B3GALT5: variants seen among roughly 807,000 people sequenced by gnomAD.
B3GALT5 encodes the protein beta-1,3-galactosyltransferase 5, also known as UDP-Gal:betaGlcNAc beta 1,3-galactosyltransferase, polypeptide 5.
For synonymous variants in B3GALT5, 156 were observed against 158.6 expected (o/e 0.98, Z 0.12); for missense variants, 328 against 396.6 (o/e 0.83, Z 1.47).
At chr21:39,640,967 A>T (rs2079285261) in intron 1 of B3GALT5, among the ~76,000 whole-genome samples, 1 of 151,688 alleles carries the variant, frequency 6.6e-6, no homozygotes, top group African/African-American at 2.4e-5. Flanking sequence ...GTCGTCTCGA[A>T]CTCCTGGGCT....
intron 1 of B3GALT5, among the ~76,000 whole-genome samples, chr21:39,635,107 A>G (rs1452601678): frequency 2.6e-5 from 4 of 152,212 alleles, no homozygotes; most frequent in African/African-American, 9.7e-5. Context: ...GATAAATGGC[A>G]ATGATTGCAA....
intron 1 of B3GALT5, among the ~76,000 whole-genome samples, chr21:39,623,188 A>C (rs1461640314): frequency 4.1e-3 from 163 of 39,476 alleles, no homozygotes; most frequent in Non-Finnish European, 4.7e-3. Flanking sequence ...TTTTCCATCC[A>C]TCCCTCCCTC....
chr21:39,618,153 T>C (rs904507705), intron 1 of B3GALT5, among the ~76,000 whole-genome samples: 1 of 152,112 alleles, frequency 6.6e-6, no homozygotes, highest in Admixed American at 6.6e-5. Flanking sequence ...AGACCTTGTC[T>C]CTTAAAAAAA....
At chr21:39,635,636 A>G (rs2146194524) in intron 1 of B3GALT5, among the ~76,000 whole-genome samples, 1 of 152,036 alleles carries the variant, frequency 6.6e-6, no homozygotes, top group South Asian at 2.1e-4. Flanking sequence ...GTGCCACCAC[A>G]CCCAGCTAAT....
intron 1 of B3GALT5, among the ~76,000 whole-genome samples, chr21:39,639,279 G>T (rs74276736): frequency 6.8e-6 from 1 of 146,380 alleles, no homozygotes; most frequent in East Asian, 2.0e-4. Flanking sequence ...AGCAGCTTCA[G>T]GCATCTGGCT....
At chr21:39,618,341 A>G (rs141783260) in intron 1 of B3GALT5, among the ~76,000 whole-genome samples, 85 of 152,296 alleles carry the variant, frequency 5.6e-4, no homozygotes, top group East Asian at 5.2e-3. Flanking sequence ...TTGGGTGAAA[A>G]AGCATCTTTC....
At chr21:39,633,985 C>T (rs1054577259) in intron 1 of B3GALT5, among the ~76,000 whole-genome samples, 2 of 152,206 alleles carry the variant, frequency 1.3e-5, no homozygotes, top group African/African-American at 4.8e-5. Context: ...ACTGACTACA[C>T]AGCTCTCCTT....
rs886354590 is a variant in B3GALT5 at position 39,672,278 on chromosome 21, A to G, written c.*10786A>G. On this transcript the variant is annotated 3_prime_UTR_variant, in exon 4 of 4. Coordinates refer to ENST00000684187, the MANE Select transcript of B3GALT5 (RefSeq NM_001356336.2). ...CAAAGACATAGTGATACTTGGTTCA[A>G]TTCGGCTCCAGAGAGTATCAGATGG... The G allele has an allele frequency of 4.6e-5, 7 of 152,234 alleles. No individual in the cohort carries two copies. The highest frequency in any genetic ancestry group is 1.3e-4 in the Admixed American group (2 of 15,286). 9.4% of individuals were successfully genotyped at this position (152,234 alleles called of 1,614,324 possible). A position where few individuals can be genotyped will look rare whatever the true frequency, so the allele number is the denominator to read the frequency against.
intron 1 of B3GALT5, among the ~76,000 whole-genome samples, chr21:39,639,444 CTT>C (rs2079269594): frequency 1.6e-5 from 2 of 122,604 alleles, no homozygotes; most frequent in African/African-American, 3.2e-5. Flanking sequence ...TTCTTTCTTT[CTT>C]TCTTTCTTTT....
chr21:39,658,006 T>A, intron 2 of B3GALT5: 1 of 976,862 alleles, frequency 1.0e-6, no homozygotes. Flanking sequence ...GGCTAGGATC[T>A]GGGGACACAG....
chr21:39,639,238 G>A (rs538616752), intron 1 of B3GALT5, among the ~76,000 whole-genome samples: 11 of 152,094 alleles, frequency 7.2e-5, no homozygotes, highest in Middle Eastern at 3.2e-3. Context: ...GTTGTAACAT[G>A]TTCCAGAATT....
In B3GALT5 at chr21:39,661,616, G is replaced by GT; in HGVS notation, c.*125dup. On this transcript the variant is annotated 3_prime_UTR_variant, in exon 4 of 4. Transcript: ENST00000684187. The surrounding 1 kb of genome is among the most constrained non-coding windows in gnomAD (Gnocchi z 4.7). ...TCAGTGCTGAAATCCACGCCAGAATGTCGGTGTTCATGAAGTCACTGATTA... is the reference window on the plus strand; with the variant it reads ...TCAGTGCTGAAATCCACGCCAGAATGTTCGGTGTTCATGAAGTCACTGATTA... The GT allele has an allele frequency of 1.0e-6, 1 of 979,824 alleles. No individual in the cohort carries two copies. Among genetic ancestry groups the GT allele is most frequent in the Non-Finnish European group, 1.4e-6 (1 of 706,500 alleles). The allele number at this position is 979,824 out of a possible 1,614,324, so 60.7% of individuals were successfully genotyped here.
At chr21:39,637,385 G>A (rs1479151411) in intron 1 of B3GALT5, among the ~76,000 whole-genome samples, 3 of 152,238 alleles carry the variant, frequency 2.0e-5, no homozygotes, top group Non-Finnish European at 4.4e-5. Flanking sequence ...GCATGCCAAA[G>A]CCCATCAGGT....
At chr21:39,623,506 A>G (rs2079148700) in intron 1 of B3GALT5, among the ~76,000 whole-genome samples, 1 of 151,986 alleles carries the variant, frequency 6.6e-6, no homozygotes, top group African/African-American at 2.4e-5. Flanking sequence ...TTGAGGCTAC[A>G]TGGGTGATAA....
At chr21:39,633,335 T>C (rs1213218967) in intron 1 of B3GALT5, among the ~76,000 whole-genome samples, 1 of 152,196 alleles carries the variant, frequency 6.6e-6, no homozygotes, top group Admixed American at 6.5e-5. Context: ...GAAATGGTTA[T>C]TTTTTGTAAT....
intron 1 of B3GALT5, among the ~76,000 whole-genome samples, chr21:39,623,769 A>G (rs1247380241): frequency 6.6e-6 from 1 of 152,160 alleles, no homozygotes; most frequent in Non-Finnish European, 1.5e-5. Flanking sequence ...TATGATGTGG[A>G]AGATAGGTTT....
At chr21:39,629,761 G>C (rs1056257098) in intron 1 of B3GALT5, among the ~76,000 whole-genome samples, 3 of 152,038 alleles carry the variant, frequency 2.0e-5, no homozygotes, top group Non-Finnish European at 4.4e-5. Context: ...TCTTTAAGTG[G>C]TTGGAATTTT....
At chr21:39,630,645 T>C (rs2079187087) in intron 1 of B3GALT5, among the ~76,000 whole-genome samples, 2 of 152,202 alleles carry the variant, frequency 1.3e-5, no homozygotes. Flanking sequence ...GCGTTTTCTT[T>C]CACATTAAAT....
In B3GALT5 at chr21:39,672,978, A is replaced by G. The variant is rs2079644122; in HGVS notation, c.*11486A>G. 6.6e-6 allele frequency: 1 copy of G among 152,202 alleles called. No individual in the cohort carries two copies. The highest frequency in any genetic ancestry group is 2.1e-4 in the South Asian group (1 of 4,818). 9.4% of individuals were successfully genotyped at this position (152,202 alleles called of 1,614,324 possible). The stretch of plus-strand genomic sequence containing the variant: ...CCTTTGGAGTTCTTCTCTCAGGTAT[A>G]TTTTAACTAAAAGCTATCATTTAAG... On this transcript the variant is annotated 3_prime_UTR_variant, in exon 4 of 4. Coordinates refer to ENST00000684187, the MANE Select transcript of B3GALT5 (RefSeq NM_001356336.2).
Sources: gnomAD v4.1 joint callset for allele counts (sites outside exome capture counted in the v4.1 genomes callset) on GRCh38, gnomAD v4.1.1 for gene constraint, Gnocchi (gnomAD v3.1) non-coding constraint, MANE v1.5 for transcripts, NCBI Gene and HGNC (gene_info 2026-07-23, HGNC 2026-07-21) for gene names.